P4HTM: variants seen among roughly 807,000 people sequenced by gnomAD.
P4HTM encodes the protein prolyl 4-hydroxylase, transmembrane.
In P4HTM, 33 loss-of-function variants were observed where a neutral mutation model predicts 55.3. The observed-to-expected ratio is 0.60, with a 90% CI of 0.45 to 0.80. The LOEUF (loss-of-function observed/expected upper bound fraction) is 0.80, where lower values mean the gene tolerates loss of function less well. Ranked by LOEUF, P4HTM falls within the 30% of genes least tolerant of loss-of-function variation. The pLI, the probability that P4HTM is intolerant of heterozygous loss-of-function variation, is 0.00. For missense variants in P4HTM, 542 were observed against 696.5 expected (o/e 0.78, Z 2.50); for synonymous variants, 272 against 286.4 (o/e 0.95, Z 0.51).
At position 49,002,403 on chromosome 3, in the gene P4HTM, C is replaced by T; in HGVS notation, c.628-97C>T. The T allele has an allele frequency of 2.2e-6, 2 of 889,980 alleles. No individual in the cohort carries two copies. Among genetic ancestry groups the T allele is most frequent in the Non-Finnish European group, 3.7e-6 (2 of 538,982 alleles). The allele number at this position is 889,980 out of a possible 1,614,324, so 55.1% of individuals were successfully genotyped here. On this transcript the variant is annotated intron_variant, in intron 3 of 8. Coordinates refer to ENST00000383729, the MANE Select transcript of P4HTM (RefSeq NM_177939.3). This position sits in a 1 kb window ranked among gnomAD's most constrained non-coding sequence, Gnocchi z 4.4. ...CCCTGTGTCCTCATCCATGCCCTCA[C>T]CTGAACACTTTGCTCCACAACAAGC...
Position 49,006,091 on chromosome 3 carries a change from C to T in P4HTM, c.1192C>T (p.Arg398Cys), listed in dbSNP as rs767700412. Residue 398 changes from arginine to cysteine, a missense_variant, in exon 8 of 9, where the codon CGT becomes TGT. By Grantham distance (180) the Arg-to-Cys change is radical. Transcript: ENST00000383729. ...TCTGATTCAGGATGACGTGGACCTC[C>T]GTGACACACGGAGGCACTGTGACAA... is the stretch of plus-strand genomic sequence containing the variant. ...MSLIQDDVDLRDTRRHCDKGN... is the reference protein window; with the variant it reads ...MSLIQDDVDLCDTRRHCDKGN... 6.2e-6 allele frequency: 10 copies of T among 1,612,924 alleles called. No individual in the cohort carries two copies. In the Admixed American group the frequency reaches 8.3e-5, roughly 13 times the overall value.
intron 2 of P4HTM, among the ~76,000 whole-genome samples, chr3:48,993,542 C>T (rs1289680173): frequency 6.6e-6 from 1 of 151,932 alleles, no homozygotes; most frequent in East Asian, 1.9e-4. Context: ...AAGCCAAAGT[C>T]TCCCTAATAA....
At chr3:48,994,110 ATT>A (rs2092938713) in intron 2 of P4HTM, among the ~76,000 whole-genome samples, 2 of 152,160 alleles carry the variant, frequency 1.3e-5, no homozygotes, top group Non-Finnish European at 2.9e-5. Flanking sequence ...ATACTGTGGT[ATT>A]GGATGACTAC....
At chr3:48,997,633 A>G (rs1242554941) in intron 2 of P4HTM, 1 of 152,154 alleles carries the variant, frequency 6.6e-6, no homozygotes, top group Non-Finnish European at 1.5e-5. Flanking sequence ...CACCTAGTAG[A>G]CTAAACCCTT....
chr3:48,996,735 C>T (rs2092946972), intron 2 of P4HTM, among the ~76,000 whole-genome samples: 1 of 152,168 alleles, frequency 6.6e-6, no homozygotes, highest in Non-Finnish European at 1.5e-5. Flanking sequence ...AGGCCTGCTG[C>T]TTGGCAAAGC....
intron 6 of P4HTM, chr3:49,005,411 A>C: frequency 1.4e-6 from 2 of 1,401,028 alleles, no homozygotes; most frequent in Non-Finnish European, 9.2e-7. Context: ...TCCCCTGTCA[A>C]GCCAGTTCTT....
chr3:49,006,116 A>G lies in P4HTM; in HGVS notation c.1217A>G (p.Lys406Arg), dbSNP rs757304685. Residue 406 changes from lysine to arginine, a missense_variant, in exon 8 of 9, where the codon AAG becomes AGG. Transcript: ENST00000383729. The part of the protein sequence containing the change: ...DLRDTRRHCD[K>R]GNLRVKPQQG... The stretch of plus-strand genomic sequence containing the variant: ...CGTGACACACGGAGGCACTGTGACA[A>G]GGGAAACCTGCGTGTCAAGCCCCAA... The G allele has an allele frequency of 5.6e-6, 9 of 1,612,988 alleles. No individual in the cohort carries two copies. In the Admixed American group the frequency reaches 1.5e-4, roughly 27 times the overall value.
At position 48,999,980 on chromosome 3, in the gene P4HTM, G is replaced by A. The variant is rs1004987230; in HGVS notation, c.437-1458G>A. 6.6e-6 allele frequency among the ~76,000 whole-genome samples: 1 copy of A among 152,164 alleles called. No homozygotes were observed. Among genetic ancestry groups the A allele is most frequent in the African/African-American group, 2.4e-5 (1 of 41,432 alleles). ...ATGCAGGCCAAGAGTGGGGGCCTTT[G>A]TCCTATCCTCAGTGTTATCACATCA... On this transcript the variant is annotated intron_variant, in intron 2 of 8. Coordinates refer to ENST00000383729, the MANE Select transcript of P4HTM (RefSeq NM_177939.3). The surrounding 1 kb of genome is among the most constrained non-coding windows in gnomAD (Gnocchi z 4.8).
rs892199814 is a variant in P4HTM, at chr3:48,999,433, TG to T, written c.437-2002del. ...TGGCATAGGGCCATGGCTTGGGGAATGGGCATGCACCTCATGCAGCCCCAGG... is the reference window on the plus strand; with the variant it reads ...TGGCATAGGGCCATGGCTTGGGGAATGGCATGCACCTCATGCAGCCCCAGG... On this transcript the variant is annotated intron_variant, in intron 2 of 8. Coordinates refer to ENST00000383729, the MANE Select transcript of P4HTM (RefSeq NM_177939.3). This position sits in a 1 kb window ranked among gnomAD's most constrained non-coding sequence, Gnocchi z 4.8. The T allele has an allele frequency of 1.2e-5, 2 of 166,912 alleles. No individual in the cohort carries two copies. The highest frequency in any genetic ancestry group is 4.8e-5 in the African/African-American group (2 of 41,476). 10.3% of individuals were successfully genotyped at this position (166,912 alleles called of 1,614,324 possible). A position where few individuals can be genotyped will look rare whatever the true frequency, so the allele number is the denominator to read the frequency against.
intron 2 of P4HTM, among the ~76,000 whole-genome samples, chr3:48,995,974 G>A (rs753264001): frequency 6.6e-6 from 1 of 152,194 alleles, no homozygotes; most frequent in Non-Finnish European, 1.5e-5. Flanking sequence ...CATCCTCCAC[G>A]TATCCTTCTG....
chr3:48,990,156 T>G (rs916343700), upstream of P4HTM: 2 of 1,040,902 alleles, frequency 1.9e-6, no homozygotes, highest in Admixed American at 1.1e-4. The surrounding 1 kb of genome is among the most constrained non-coding windows in gnomAD (Gnocchi z 7.2). Flanking sequence ...CGTCTCCTAG[T>G]GACCGCGGCG....
In P4HTM at chr3:48,990,541, C is replaced by G. The variant is rs780500572; in HGVS notation, c.285C>G (p.Pro95=). The G allele has an allele frequency of 1.2e-6, 2 of 1,610,758 alleles. No individual in the cohort carries two copies. Among genetic ancestry groups the G allele is most frequent in the South Asian group, 2.2e-5 (2 of 90,890 alleles). The stretch of plus-strand genomic sequence containing the variant: ...GCGACGAAAGCAGCGATCCCGGGCC[C>G]CAACACCGTGCCCAGGGCCCCGGGC... ...SNGDESSDPG[P]QHRAQGPGPE... is the part of the protein sequence containing the mutation. Residue 95 remains proline (P), a synonymous_variant, in exon 1 of 9, where the codon CCC becomes CCG. Coordinates refer to ENST00000383729, the MANE Select transcript of P4HTM (RefSeq NM_177939.3). This position sits in a 1 kb window ranked among gnomAD's most constrained non-coding sequence, Gnocchi z 7.2.
chr3:48,997,660 CCT>C (rs1253113700), intron 2 of P4HTM: 4 of 152,238 alleles, frequency 2.6e-5, no homozygotes, highest in Non-Finnish European at 5.9e-5. Flanking sequence ...GATGCTCTGC[CCT>C]TAGAATCAGT....
intron 2 of P4HTM, among the ~76,000 whole-genome samples, chr3:48,993,451 G>A (rs1300719796): frequency 1.3e-5 from 2 of 152,146 alleles, no homozygotes; most frequent in Non-Finnish European, 2.9e-5. Flanking sequence ...ACACATCTGA[G>A]GAGGCACTGT....
chr3:48,996,617 C>T (rs976381613), intron 2 of P4HTM, among the ~76,000 whole-genome samples: 11 of 152,184 alleles, frequency 7.2e-5, no homozygotes, highest in African/African-American at 2.7e-4. Flanking sequence ...GCCTCAGCCT[C>T]CCGAAGTGCT....
chr3:49,004,321 G>A (rs2092970328), intron 5 of P4HTM, 61 bp downstream of exon 5: 6 of 1,451,306 alleles, frequency 4.1e-6, no homozygotes, highest in African/African-American at 1.4e-5. Flanking sequence ...GGCCTCCACA[G>A]AAGTCCTTGT....
Position 49,002,238 on chromosome 3 carries a change from C to T in P4HTM, c.628-262C>T, listed in dbSNP as rs2092963062. On this transcript the variant is annotated intron_variant, in intron 3 of 8. Transcript: ENST00000383729. This position sits in a 1 kb window ranked among gnomAD's most constrained non-coding sequence, Gnocchi z 4.4. ...GCCTGTCCTTCACTCTGCTTCCAACCAACAGTGCTCTCCATGAAGGCCACG... is the reference window on the plus strand; with the variant it reads ...GCCTGTCCTTCACTCTGCTTCCAACTAACAGTGCTCTCCATGAAGGCCACG... Among the ~76,000 whole-genome samples the T allele has an allele frequency of 6.6e-6, 1 of 152,246 alleles. No individual in the cohort carries two copies. Among genetic ancestry groups the T allele is most frequent in the Admixed American group, 6.5e-5 (1 of 15,292 alleles).
At chr3:49,005,212 A>G (rs373653057) in intron 6 of P4HTM, 166 bp downstream of exon 6, 588 of 1,559,948 alleles carry the variant, frequency 3.8e-4, no homozygotes, top group Admixed American at 5.9e-4. Flanking sequence ...TGTTTACCCA[A>G]TGGCTGGAAA....
chr3:49,006,848 G>A lies in P4HTM; in HGVS notation c.1450G>A (p.Asp484Asn). 1 of 1,613,230 alleles carries A rather than the reference G, an allele frequency of 6.2e-7. No homozygotes were observed. Among genetic ancestry groups the A allele is most frequent in the Admixed American group, 1.7e-5 (1 of 60,038 alleles). Residue 484 changes from aspartate to asparagine, a missense_variant, in exon 9 of 9, where the codon GAC becomes AAC. Coordinates refer to ENST00000383729, the MANE Select transcript of P4HTM (RefSeq NM_177939.3). Reference sequence around the variant, plus strand: ...CCGCCTTGCCCGAGAAGGGGGCACCGACTCACAGCCCGAGTGGGCTCTGGA... The same window carrying A: ...CCGCCTTGCCCGAGAAGGGGGCACCAACTCACAGCCCGAGTGGGCTCTGGA... ...MARLAREGGT[D>N]SQPEWALDRA... is the part of the protein sequence containing the mutation.
Sources: gnomAD v4.1 joint callset for allele counts (sites outside exome capture counted in the v4.1 genomes callset) on GRCh38, gnomAD v4.1.1 for gene constraint, Gnocchi (gnomAD v3.1) non-coding constraint, MANE v1.5 for transcripts, NCBI Gene and HGNC (gene_info 2026-07-23, HGNC 2026-07-21) for gene names.